The following ADGRA3 variants were observed in gnomAD, a reference collection of about 807,000 sequenced individuals.
The protein encoded by ADGRA3 is G-protein coupled receptor 125.
ADGRA3 carries 56 observed loss-of-function variants against 119.8 expected under a neutral mutation model. That is an observed-to-expected ratio of 0.47 (90% CI 0.38 to 0.58). The LOEUF (loss-of-function observed/expected upper bound fraction) is 0.58, where lower values mean the gene tolerates loss of function less well. Ranked by LOEUF, ADGRA3 falls within the 20% of genes least tolerant of loss-of-function variation. The probability of loss-of-function intolerance (pLI) is 0.00; values close to 1 mark genes in which losing one functional copy is unlikely to be tolerated. For missense variants in ADGRA3, 1,516 were observed against 1,649.0 expected (o/e 0.92, Z 1.40); for synonymous variants, 607 against 623.8 (o/e 0.97, Z 0.40).
At chr4:22,398,066 A>T in intron 16 of ADGRA3, 1 of 985,218 alleles carries the variant, frequency 1.0e-6, no homozygotes, top group Non-Finnish European at 1.2e-6. Context: ...TCTTCTACAC[A>T]TGGATGTAGT....
intron 1 of ADGRA3, among the ~76,000 whole-genome samples, chr4:22,477,135 T>C (rs774900936): frequency 6.6e-6 from 1 of 152,172 alleles, no homozygotes; most frequent in Non-Finnish European, 1.5e-5. Flanking sequence ...TAAAAACAAG[T>C]AAATAATTTA....
chr4:22,490,113 A>G (rs774994957), intron 1 of ADGRA3, among the ~76,000 whole-genome samples: 17 of 152,260 alleles, frequency 1.1e-4, no homozygotes, highest in Admixed American at 3.9e-4. Flanking sequence ...AGTGTCATAA[A>G]TAAAAAGGAA....
rs1713877671 is a variant in ADGRA3 at position 22,387,533 on chromosome 4, A to T, written c.*172T>A. ...TTAGAAAGATTTTGTTTCAGATCCT[A>T]AAAAATAGCAACAATTTGGGGATAA... On this transcript the variant is annotated 3_prime_UTR_variant, in exon 19 of 19. Transcript: ENST00000334304. The T allele has an allele frequency of 1.4e-5, 8 of 591,190 alleles. No individual in the cohort carries two copies. In the South Asian group the frequency reaches 3.7e-4, roughly 28 times the overall value. The allele number at this position is 591,190 out of a possible 1,614,324, so 36.6% of individuals were successfully genotyped here. A position where few individuals can be genotyped will look rare whatever the true frequency, so the allele number is the denominator to read the frequency against.
chr4:22,489,195 C>T (rs1718541713), intron 1 of ADGRA3, among the ~76,000 whole-genome samples: 1 of 152,108 alleles, frequency 6.6e-6, no homozygotes, highest in Non-Finnish European at 1.5e-5. Flanking sequence ...CACGGGAAGC[C>T]CCTCATAAAA....
intron 10 of ADGRA3, among the ~76,000 whole-genome samples, chr4:22,425,249 C>T (rs770130561): frequency 8.5e-5 from 13 of 152,134 alleles, no homozygotes; most frequent in Non-Finnish European, 1.9e-4. Context: ...TGCATCTTCC[C>T]TTCCTCCCAA....
chr4:22,499,540 T>C (rs753571318), intron 1 of ADGRA3, among the ~76,000 whole-genome samples: 3 of 152,204 alleles, frequency 2.0e-5, no homozygotes, highest in East Asian at 1.9e-4. Flanking sequence ...CAGCATGACA[T>C]GTAGACAGAA....
chr4:22,502,772 G>A (rs997669285), intron 1 of ADGRA3, among the ~76,000 whole-genome samples: 4 of 151,902 alleles, frequency 2.6e-5, no homozygotes, highest in Non-Finnish European at 5.9e-5. Flanking sequence ...CAGATGAAGA[G>A]TGGGAGTTTA....
intron 4 of ADGRA3, 119 bp from the exon 5 acceptor site, chr4:22,447,630 T>A: frequency 1.8e-6 from 1 of 559,906 alleles, no homozygotes; most frequent in Non-Finnish European, 3.1e-6. Flanking sequence ...CTCATGAAAG[T>A]TTCAATGCTT....
intron 8 of ADGRA3, 71 bp from the exon 9 acceptor site, chr4:22,436,712 G>T: frequency 3.7e-6 from 5 of 1,336,296 alleles, no homozygotes; most frequent in Non-Finnish European, 4.2e-6. Context: ...CAACAGCAGA[G>T]AAAAAAATCA....
intron 12 of ADGRA3, among the ~76,000 whole-genome samples, chr4:22,418,836 A>G (rs1715535267): frequency 6.6e-6 from 1 of 152,140 alleles, no homozygotes; most frequent in African/African-American, 2.4e-5. Flanking sequence ...AAATGGTGAA[A>G]AGAGAGGTCT....
In ADGRA3 at chr4:22,445,082, A is replaced by G; in HGVS notation, c.597T>C (p.His199=). The change falls in exon 6 of 19, where the codon CAT becomes CAC. Residue 199 remains histidine, a synonymous_variant. Transcript: ENST00000334304. ...TGATGTTCTTCTCCTTTACCCAGCGATGCATCCACAGTATGTTACAGTCAC... is the reference window on the plus strand; with the variant it reads ...TGATGTTCTTCTCCTTTACCCAGCGGTGCATCCACAGTATGTTACAGTCAC... ...LLCDCNILWM[H]RWVKEKNITV... The G allele has an allele frequency of 1.2e-6, 2 of 1,614,024 alleles. No individual in the cohort carries two copies. The highest frequency in any genetic ancestry group is 1.7e-6 in the Non-Finnish European group (2 of 1,179,900).
rs1244483807 is a variant in ADGRA3, at chr4:22,515,677, G to C, written c.108C>G (p.Ala36=). The change falls in exon 1 of 19, where the codon GCC becomes GCG. Residue 36 remains alanine, a synonymous_variant. Coordinates refer to ENST00000334304, the MANE Select transcript of ADGRA3 (RefSeq NM_145290.4). ...GCTTGCAGCCGGCGGGCAGCGCCGC[G>C]GCGCCGCCGCCGCCGCCGCCTCCCA... ...ALLGGGGGGG[A]AALPAGCKHD... 3 of 1,144,280 alleles carry C rather than the reference G, an allele frequency of 2.6e-6. No individual in the cohort carries two copies. The East Asian group carries it at 1.5e-4, about 56-fold the overall frequency. The allele number at this position is 1,144,280 out of a possible 1,614,324, so 70.9% of individuals were successfully genotyped here.
intron 1 of ADGRA3, among the ~76,000 whole-genome samples, chr4:22,501,009 G>C (rs1157766085): frequency 6.6e-6 from 1 of 152,064 alleles, no homozygotes; most frequent in African/African-American, 2.4e-5. Context: ...TTCAGACCCA[G>C]CCCAGGACTA....
At position 22,387,819 on chromosome 4, in the gene ADGRA3, G is replaced by C. The variant is rs751722049; in HGVS notation, c.3852C>G (p.Asn1284Lys). ...LENQQKSYGLNLAIQNGPIKS... is the reference protein window; with the variant it reads ...LENQQKSYGLKLAIQNGPIKS... ...TAATTGGTCCATTCTGAATGGCCAAGTTGAGGCCATAAGATTTTTGCTGAT... is the reference window on the plus strand; with the variant it reads ...TAATTGGTCCATTCTGAATGGCCAACTTGAGGCCATAAGATTTTTGCTGAT... The change falls in exon 19 of 19, where the codon AAC becomes AAG. Residue 1284 changes from asparagine (N) to lysine (K), a missense_variant. Physicochemically the swap from Asn to Lys is moderately conservative, Grantham distance 94. Coordinates refer to ENST00000334304, the MANE Select transcript of ADGRA3 (RefSeq NM_145290.4). 6 of 1,614,014 alleles carry C rather than the reference G, an allele frequency of 3.7e-6. No individual in the cohort carries two copies. In the South Asian group the frequency reaches 5.5e-5, roughly 15 times the overall value.
Position 22,509,776 on chromosome 4 carries a change from C to T in ADGRA3, c.257+5752G>A, listed in dbSNP as rs1324631944. ...CTGTAATCCCAGCACTTTGGGAGGC[C>T]GAGGCGGGCGGATCACGAGGTCAGG... On this transcript the variant is annotated intron_variant, in intron 1 of 18. Transcript: ENST00000334304. 8.6e-5 allele frequency among the ~76,000 whole-genome samples: 13 copies of T among 151,936 alleles called. No homozygotes were observed. The East Asian group carries it at 1.4e-3, about 16-fold the overall frequency.
chr4:22,431,004 GAA>G (rs1276050139), intron 10 of ADGRA3, among the ~76,000 whole-genome samples: 1 of 152,234 alleles, frequency 6.6e-6, no homozygotes, highest in Non-Finnish European at 1.5e-5. Context: ...TGGGTGCACA[GAA>G]GTCAAGAACT....
At chr4:22,412,578 A>G (rs1398452721) in intron 14 of ADGRA3, among the ~76,000 whole-genome samples, 2 of 152,152 alleles carry the variant, frequency 1.3e-5, no homozygotes, top group Non-Finnish European at 2.9e-5. Flanking sequence ...AATCCAAAAC[A>G]TTTTTAGTCC....
intron 16 of ADGRA3, among the ~76,000 whole-genome samples, chr4:22,396,618 C>A (rs577696148): frequency 6.6e-6 from 1 of 152,112 alleles, no homozygotes; most frequent in Non-Finnish European, 1.5e-5. Flanking sequence ...ACTCTGCTCT[C>A]GGCCGGTGAT....
chr4:22,448,049 T>C (rs972105111), intron 4 of ADGRA3, among the ~76,000 whole-genome samples: 4 of 152,136 alleles, frequency 2.6e-5, no homozygotes, highest in African/African-American at 4.8e-5. Context: ...GCACATCAGT[T>C]CTCTAGTCTA....
Sources: allele counts gnomAD v4.1 joint callset (sites outside exome capture counted in the v4.1 genomes callset), GRCh38; gene constraint gnomAD v4.1.1; transcripts MANE v1.5; gene names NCBI Gene and HGNC (gene_info 2026-07-23, HGNC 2026-07-21).